ELP6: variants seen among roughly 807,000 people sequenced by gnomAD.
ELP6 encodes elongator complex protein 6.
In ELP6, 23 loss-of-function variants were observed where a neutral mutation model predicts 28.1. That is an observed-to-expected ratio of 0.82 (90% CI 0.59 to 1.16). The LOEUF is 1.16. ELP6 is among the 50% of genes most tolerant of loss of function. The pLI is 0.00. For synonymous variants in ELP6, 132 were observed against 135.8 expected (o/e 0.97, Z 0.19); for missense variants, 313 against 334.6 (o/e 0.94, Z 0.50).
Position 47,513,649 on chromosome 3 carries a change from A to T in ELP6, c.-59T>A. ...ACCCGGAGTGCTGCAGAGACGACGG[A>T]GGCTGGAGAGCAAAACACACCCGAC... On this transcript the variant is annotated 5_prime_UTR_variant, in exon 1 of 7. Coordinates refer to ENST00000296149, the MANE Select transcript of ELP6 (RefSeq NM_001031703.3). The T allele has an allele frequency of 1.2e-6, 2 of 1,606,788 alleles. No homozygotes were observed. The highest frequency in any genetic ancestry group is 1.1e-5 in the South Asian group (1 of 90,494).
rs538672850 is a variant in ELP6, at chr3:47,504,872, A to G, written c.205-424T>C. 5.9e-5 allele frequency among the ~76,000 whole-genome samples: 9 copies of G among 152,328 alleles called. No homozygotes were observed. In the South Asian group the frequency reaches 8.3e-4, roughly 14 times the overall value. ...CAACTCAGGAGGCTGAGGTAGGAGG[A>G]TCACGTGCGCCCAGGAGGTCAAGGC... On this transcript the variant is annotated intron_variant, in intron 3 of 6. Transcript: ENST00000296149.
intron 4 of ELP6, chr3:47,503,243 A>C (rs570208713): frequency 2.4e-6 from 3 of 1,241,758 alleles, no homozygotes; most frequent in Admixed American, 5.5e-5. Flanking sequence ...CACCCACTGC[A>C]TAAGGGTGTG....
At position 47,495,737 on chromosome 3, in the gene ELP6, C is replaced by T. The variant is rs1708462264; in HGVS notation, c.*332G>A. On this transcript the variant is annotated 3_prime_UTR_variant, in exon 7 of 7. Coordinates refer to ENST00000296149, the MANE Select transcript of ELP6 (RefSeq NM_001031703.3). ...CCATCTCCTGGCTGGCACATCTATA[C>T]CCACTCTGGCTCTGAAAGGCTTGTC... 2 of 292,336 alleles carry T rather than the reference C, an allele frequency of 6.8e-6. No individual in the cohort carries two copies. The highest frequency in any genetic ancestry group is 1.3e-5 in the Non-Finnish European group (2 of 154,814). 18.1% of individuals were successfully genotyped at this position (292,336 alleles called of 1,614,324 possible).
At chr3:47,497,461 C>T (rs59295949) in intron 6 of ELP6, 48 of 463,888 alleles carry the variant, frequency 1.0e-4, no homozygotes, top group African/African-American at 9.9e-4. Flanking sequence ...CTCAGCCTCC[C>T]GAGTAGCTGG....
At chr3:47,502,406 A>G in intron 4 of ELP6, 1 of 948,148 alleles carries the variant, frequency 1.1e-6, no homozygotes, top group Non-Finnish European at 1.2e-6. Flanking sequence ...ACAAAATGAG[A>G]CTCTGTCTCA....
Position 47,495,707 on chromosome 3 carries a change from C to T in ELP6, c.*362G>A, listed in dbSNP as rs546074900. ...GTTGTCACCTTGCACACCTGCCATC[C>T]GGTGCCATCTCCTGGCTGGCACATC... is the stretch of plus-strand genomic sequence containing the variant. On this transcript the variant is annotated 3_prime_UTR_variant, in exon 7 of 7. Transcript: ENST00000296149. The T allele has an allele frequency of 2.2e-5, 5 of 231,310 alleles. No individual in the cohort carries two copies. The highest frequency in any genetic ancestry group is 5.9e-5 in the Admixed American group (1 of 17,058). The allele number at this position is 231,310 out of a possible 1,614,324, so 14.3% of individuals were successfully genotyped here. A position where few individuals can be genotyped will look rare whatever the true frequency, so the allele number is the denominator to read the frequency against.
intron 3 of ELP6, among the ~76,000 whole-genome samples, chr3:47,508,146 T>C (rs895628849): frequency 3.9e-5 from 6 of 152,240 alleles, no homozygotes; most frequent in Non-Finnish European, 8.8e-5. Flanking sequence ...GAATCTACCA[T>C]TCTCTCACCT....
chr3:47,513,277 C>A (rs1332039922), intron 1 of ELP6: 23 of 1,329,604 alleles, frequency 1.7e-5, no homozygotes, highest in Non-Finnish European at 2.1e-5. Context: ...CAGGGGTGAG[C>A]CACCGCGCCC....
chr3:47,502,815 G>A (rs190122040), intron 4 of ELP6, among the ~76,000 whole-genome samples: 2 of 152,160 alleles, frequency 1.3e-5, no homozygotes, highest in Admixed American at 1.3e-4. Flanking sequence ...ACTCCAGCTT[G>A]GAAAACAGAG....
chr3:47,498,382 C>T lies in ELP6; in HGVS notation c.576G>A (p.Glu192=). The change falls in exon 6 of 7, where the codon GAG becomes GAA. Residue 192 remains glutamate, a synonymous_variant. Transcript: ENST00000296149. ...TGAGGCCATTCAGCAGGATGTCATT[C>T]TCCTCATCCTCCGCATCTCCACTGT... The part of the protein sequence containing the change: ...VHDSGDAEDE[E]NDILLNGLSH... 6.2e-7 allele frequency: 1 copy of T among 1,613,664 alleles called. No homozygotes were observed. Among genetic ancestry groups the T allele is most frequent in the Non-Finnish European group, 8.5e-7 (1 of 1,180,034 alleles).
At chr3:47,502,929 G>C (rs562067268) in intron 4 of ELP6, among the ~76,000 whole-genome samples, 2 of 152,150 alleles carry the variant, frequency 1.3e-5, no homozygotes, top group Non-Finnish European at 2.9e-5. Context: ...ATACGTAACA[G>C]ATTTGACCTG....
At chr3:47,505,987 G>A (rs549432853) in intron 3 of ELP6, among the ~76,000 whole-genome samples, 53 of 152,294 alleles carry the variant, frequency 3.5e-4, no homozygotes, top group Non-Finnish European at 7.2e-4. Context: ...CGATAGTCAC[G>A]TAGGTTCTTT....
At chr3:47,497,929 T>A in intron 6 of ELP6, 1 of 811,496 alleles carries the variant, frequency 1.2e-6, no homozygotes, top group Non-Finnish European at 1.5e-6. Context: ...AGACTCCGTC[T>A]AAAAAAAAAA....
Position 47,513,709 on chromosome 3 carries a change from T to C in ELP6, c.-119A>G, listed in dbSNP as rs889400012. Reference sequence around the variant, plus strand: ...CGCGCAAGGAAGCGCGCATGCGCAATGCCACTTTTGCGAGCCAGCCACAGC... The same window carrying C: ...CGCGCAAGGAAGCGCGCATGCGCAACGCCACTTTTGCGAGCCAGCCACAGC... On this transcript the variant is annotated 5_prime_UTR_variant, in exon 1 of 7. Coordinates refer to ENST00000296149, the MANE Select transcript of ELP6 (RefSeq NM_001031703.3). 1.5e-6 allele frequency: 2 copies of C among 1,294,134 alleles called. No homozygotes were observed. The highest frequency in any genetic ancestry group is 2.2e-6 in the Non-Finnish European group (2 of 928,138). The allele number at this position is 1,294,134 out of a possible 1,614,324, so 80.2% of individuals were successfully genotyped here. A position where few individuals can be genotyped will look rare whatever the true frequency, so the allele number is the denominator to read the frequency against.
chr3:47,500,224 A>G lies in ELP6; in HGVS notation c.525+1426T>C, dbSNP rs914968013. The G allele has an allele frequency of 3.7e-6, 4 of 1,078,622 alleles. No homozygotes were observed. The African/African-American group carries it at 6.8e-5, about 18-fold the overall frequency. The allele number at this position is 1,078,622 out of a possible 1,614,324, so 66.8% of individuals were successfully genotyped here. A position where few individuals can be genotyped will look rare whatever the true frequency, so the allele number is the denominator to read the frequency against. On this transcript the variant is annotated intron_variant, in intron 5 of 6. Transcript: ENST00000296149. ...AATATACCGTGTATTAATAAATGAAAAAAAGAAGTAGCGAACAGTGTGGAT... is the reference window on the plus strand; with the variant it reads ...AATATACCGTGTATTAATAAATGAAGAAAAGAAGTAGCGAACAGTGTGGAT...
At chr3:47,502,595 G>A in intron 4 of ELP6, 4 of 964,262 alleles carry the variant, frequency 4.1e-6, no homozygotes, top group Non-Finnish European at 4.9e-6. Flanking sequence ...AGCACTTTGG[G>A]GGGCCAGCGG....
rs1028545613 is a variant in ELP6, at chr3:47,502,632, C to T, written c.324-781G>A. ...GGAGGATCATTTGAGCCCAGGAGTT[C>T]AAGAACAGCCTAGGCAACAGAGTGG... On this transcript the variant is annotated intron_variant, in intron 4 of 6. Transcript: ENST00000296149. 27 of 849,502 alleles carry T rather than the reference C, an allele frequency of 3.2e-5. No individual in the cohort carries two copies. In the South Asian group the frequency reaches 1.0e-3, roughly 32 times the overall value. The allele number at this position is 849,502 out of a possible 1,614,324, so 52.6% of individuals were successfully genotyped here. A position where few individuals can be genotyped will look rare whatever the true frequency, so the allele number is the denominator to read the frequency against.
chr3:47,499,255 G>A (rs765367688), intron 5 of ELP6, among the ~76,000 whole-genome samples: 11 of 152,072 alleles, frequency 7.2e-5, no homozygotes, highest in Non-Finnish European at 1.3e-4. Context: ...GGTGGCTTAC[G>A]CCTGTAATCC....
intron 6 of ELP6, chr3:47,496,874 A>G (rs1708494768): frequency 1.0e-6 from 1 of 985,332 alleles, no homozygotes; most frequent in Non-Finnish European, 1.2e-6. Flanking sequence ...TTGTACATTC[A>G]CTACAGAGGC....
Sources: gnomAD v4.1 joint callset for allele counts (sites outside exome capture counted in the v4.1 genomes callset) on GRCh38, gnomAD v4.1.1 for gene constraint, MANE v1.5 for transcripts, NCBI Gene and HGNC (gene_info 2026-07-23, HGNC 2026-07-21) for gene names.